The following SLC36A1 variants were observed in gnomAD, a reference collection of about 807,000 sequenced individuals.
SLC36A1 encodes the protein solute carrier family 36 member 1.
SLC36A1 carries 30 observed loss-of-function variants against 47.5 expected under a neutral mutation model. The ratio of observed to expected loss-of-function variants is 0.63; its 90% CI spans 0.47 to 0.86. SLC36A1 has a LOEUF of 0.86. Among genes scored for constraint, SLC36A1 ranks in the 40% least tolerant of loss-of-function variants. The pLI, the probability that SLC36A1 is intolerant of heterozygous loss-of-function variation, is 0.00. For missense variants in SLC36A1, 517 were observed against 606.0 expected, an observed-to-expected ratio of 0.85 and a Z score of 1.54; for synonymous variants, 255 against 249.7, an observed-to-expected ratio of 1.02 and a Z score of -0.20.
intron 7 of SLC36A1, among the ~76,000 whole-genome samples, chr5:151,468,837 A>G (rs760001384): frequency 6.6e-6 from 1 of 152,194 alleles, no homozygotes; most frequent in Non-Finnish European, 1.5e-5. Context: ...CTGTATTTAG[A>G]TAAGTAATTC....
intron 10 of SLC36A1, among the ~76,000 whole-genome samples, chr5:151,486,681 C>G (rs930223399): frequency 6.6e-6 from 1 of 152,152 alleles, no homozygotes; most frequent in African/African-American, 2.4e-5. Flanking sequence ...AAGCAAACCT[C>G]TCATATAAAA....
intron 1 of SLC36A1, among the ~76,000 whole-genome samples, chr5:151,441,350 A>G (rs1236325607): frequency 6.6e-6 from 1 of 152,236 alleles, no homozygotes; most frequent in Non-Finnish European, 1.5e-5. Flanking sequence ...AGTTTTTAAT[A>G]GTATGTGCTA....
At chr5:151,553,862 A>G in the SLC36A1 span, among the ~76,000 whole-genome samples, 1,272 of 152,326 alleles carry the variant, frequency 8.4e-3, 16 homozygotes, top group African/African-American at 0.029. Flanking sequence ...GAATAAACTA[A>G]GGCTCAGTGT....
chr5:151,392,554 C>G, the SLC36A1 span, among the ~76,000 whole-genome samples: 32 of 152,124 alleles, frequency 2.1e-4, 1 homozygote, highest in African/African-American at 7.7e-4. Flanking sequence ...TATAAATTTC[C>G]CTCTACACTC....
At chr5:151,445,475 A>G (rs1192484391), upstream of SLC36A1, among the ~76,000 whole-genome samples, 1 of 152,168 alleles carries the variant, frequency 6.6e-6, no homozygotes, top group Non-Finnish European at 1.5e-5. Flanking sequence ...CTTAGGTATC[A>G]AGGTGATGCT....
the SLC36A1 span, among the ~76,000 whole-genome samples, chr5:151,372,632 G>A: frequency 6.6e-6 from 1 of 151,948 alleles, no homozygotes. Context: ...TATATTTTTA[G>A]AGACGGGGTC....
At chr5:151,443,526 T>C (rs1752748707), upstream of SLC36A1, among the ~76,000 whole-genome samples, 1 of 152,218 alleles carries the variant, frequency 6.6e-6, no homozygotes, top group East Asian at 1.9e-4. Context: ...TGTTTTTCTA[T>C]TGCTGAGTTA....
At chr5:151,377,416 T>G in the SLC36A1 span, among the ~76,000 whole-genome samples, 16 of 146,068 alleles carry the variant, frequency 1.1e-4, no homozygotes, top group Admixed American at 4.8e-4. Flanking sequence ...TGGCGCGATC[T>G]CGACTCACTG....
the SLC36A1 span, among the ~76,000 whole-genome samples, chr5:151,519,982 G>T: frequency 6.6e-6 from 1 of 152,164 alleles, no homozygotes; most frequent in African/African-American, 2.4e-5. Context: ...TAGAACCCCT[G>T]CTGTCTGATG....
chr5:151,555,071 CTTT>C, the SLC36A1 span, among the ~76,000 whole-genome samples: 1 of 152,150 alleles, frequency 6.6e-6, no homozygotes, highest in South Asian at 2.1e-4. Context: ...ATGAGTGGTA[CTTT>C]TTGAGTCAGA....
intron 2 of SLC36A1, among the ~76,000 whole-genome samples, chr5:151,460,793 G>A (rs1755393489): frequency 6.7e-6 from 1 of 149,836 alleles, no homozygotes; most frequent in Admixed American, 6.7e-5. Context: ...TTTGAGCTGG[G>A]TTCCTTTTAT....
intron 2 of SLC36A1, among the ~76,000 whole-genome samples, 177 bp downstream of exon 2, chr5:151,459,112 C>G (rs112062385): frequency 3.9e-5 from 6 of 152,166 alleles, no homozygotes; most frequent in Admixed American, 3.9e-4. Flanking sequence ...ACTCTCTAGG[C>G]AGTTTCTTAC....
chr5:151,502,349 C>G, the SLC36A1 span, among the ~76,000 whole-genome samples: 1 of 147,568 alleles, frequency 6.8e-6, no homozygotes, highest in Non-Finnish European at 1.5e-5. Flanking sequence ...TTGTAAAAGA[C>G]AGTGTCAAGA....
chr5:151,499,623 C>T, the SLC36A1 span, among the ~76,000 whole-genome samples: 4 of 152,180 alleles, frequency 2.6e-5, no homozygotes, highest in Non-Finnish European at 5.9e-5. Context: ...CTAGCCCAGT[C>T]CTCATGCCTG....
At position 151,458,356 on chromosome 5, in the gene SLC36A1, T is replaced by TATATATATATATATACACAC. The variant is rs796511045; in HGVS notation, c.-5-431_-5-430insTATATATATATATACACACA. ...TATGGGATATTTATATATATATATA[T>TATATATATATATATACACAC]ACACACACGATTGAACTATTGCACA... On this transcript the variant is annotated intron_variant, in intron 1 of 10. Transcript: ENST00000243389. 1.7e-3 allele frequency among the ~76,000 whole-genome samples: 225 copies of TATATATATATATATACACAC among 129,678 alleles called. 3 individuals are homozygous for TATATATATATATATACACAC. Among genetic ancestry groups the TATATATATATATATACACAC allele is most frequent in the African/African-American group, 7.5e-3 (212 of 28,310 alleles). The allele number at this position is 129,678 out of a possible 152,430, so 85.1% of individuals were successfully genotyped here.
chr5:151,458,590 C>G (rs1240299905), intron 1 of SLC36A1, among the ~76,000 whole-genome samples, 198 bp from the exon 2 acceptor site: 1 of 152,024 alleles, frequency 6.6e-6, no homozygotes, highest in Admixed American at 6.6e-5. Context: ...AGTCAGAAGT[C>G]AAGTGAACTC....
At chr5:151,505,416 G>T in the SLC36A1 span, 2 of 915,590 alleles carry the variant, frequency 2.2e-6, no homozygotes, top group Non-Finnish European at 3.3e-6. Context: ...GTGGGGGATT[G>T]GAAGAGCACA....
chr5:151,405,343 C>CTTTTTT, the SLC36A1 span, among the ~76,000 whole-genome samples: 297 of 85,138 alleles, frequency 3.5e-3, 3 homozygotes, highest in East Asian at 0.012. Context: ...CTCTCTTTCT[C>CTTTTTT]TTTTTTTTTT....
At position 151,476,623 on chromosome 5, in the gene SLC36A1, C is replaced by T. The variant is rs755511746; in HGVS notation, c.856C>T (p.Arg286Trp). The T allele has an allele frequency of 1.6e-5, 26 of 1,604,674 alleles. No individual in the cohort carries two copies. Among genetic ancestry groups the T allele is most frequent in the Middle Eastern group, 1.7e-4 (1 of 6,012 alleles). Residue 286 changes from arginine (R) to tryptophan (W), a missense_variant, in exon 9 of 11, where the codon CGG becomes TGG. Arg to Trp is a moderately radical substitution (Grantham distance 101). Transcript: ENST00000243389. ...CCTGGAAAACAAAATGAAGGATCCT[C>T]GGAAGTTCCCACTCATCCTGTACCT... ...LPLENKMKDP[R>W]KFPLILYLGM...
Sources: gnomAD v4.1 joint callset for allele counts (sites outside exome capture counted in the v4.1 genomes callset) on GRCh38, gnomAD v4.1.1 for gene constraint, MANE v1.5 for transcripts, NCBI Gene and HGNC (gene_info 2026-07-23, HGNC 2026-07-21) for gene names.